SYT1: variants seen among roughly 807,000 people sequenced by gnomAD.
SYT1 encodes the protein synaptotagmin-1.
In SYT1, 8 loss-of-function variants were observed where a neutral mutation model predicts 44.8. The ratio of observed to expected loss-of-function variants is 0.18; its 90% CI spans 0.10 to 0.32. The LOEUF (loss-of-function observed/expected upper bound fraction) is 0.32. Among genes scored for constraint, SYT1 ranks in the 10% least tolerant of loss-of-function variants. SYT1 has a pLI of 1.00. For synonymous variants in SYT1, 154 were observed against 188.8 expected, an observed-to-expected ratio of 0.82 and a Z score of 1.51; for missense variants, 286 against 509.3, an observed-to-expected ratio of 0.56 and a Z score of 4.22.
chr12:78,870,132 T>C (rs1372157693), intron 1 of SYT1, among the ~76,000 whole-genome samples: 2 of 152,084 alleles, frequency 1.3e-5, no homozygotes, highest in African/African-American at 4.8e-5. Flanking sequence ...TTGGTTAAGA[T>C]ATAATTTAAG....
intron 2 of SYT1, among the ~76,000 whole-genome samples, chr12:78,991,637 A>G (rs1205624731): frequency 6.6e-6 from 1 of 152,148 alleles, no homozygotes; most frequent in African/African-American, 2.4e-5. Context: ...TAGAAATTAG[A>G]CTTTTTATCC....
intron 3 of SYT1, among the ~76,000 whole-genome samples, chr12:79,207,360 G>A (rs904010972): frequency 6.6e-6 from 1 of 152,172 alleles, no homozygotes; most frequent in African/African-American, 2.4e-5. Context: ...AAAGTTTTTT[G>A]TTTGTTTTAA....
At chr12:78,985,147 T>C (rs1481069178) in intron 2 of SYT1, among the ~76,000 whole-genome samples, 1 of 151,960 alleles carries the variant, frequency 6.6e-6, no homozygotes, top group Non-Finnish European at 1.5e-5. Context: ...CTTGATTTTT[T>C]TTAAAAGACA....
chr12:79,253,957 C>T (rs1454712275), intron 4 of SYT1, among the ~76,000 whole-genome samples: 3 of 152,108 alleles, frequency 2.0e-5, no homozygotes, highest in Non-Finnish European at 4.4e-5. Context: ...TGCAGAAAAA[C>T]AGTTTGAAGT....
chr12:79,260,004 T>C (rs879798767), intron 4 of SYT1, among the ~76,000 whole-genome samples: 18 of 152,140 alleles, frequency 1.2e-4, no homozygotes, highest in Non-Finnish European at 2.4e-4. Context: ...ACCTATAATT[T>C]AGCTGCGATT....
chr12:79,272,372 G>T (rs151160738), intron 4 of SYT1, among the ~76,000 whole-genome samples: 7 of 152,194 alleles, frequency 4.6e-5, no homozygotes, highest in Admixed American at 4.6e-4. Context: ...ATAATTGATG[G>T]GAAAAGAGAT....
chr12:79,213,779 G>A (rs1468329551), intron 3 of SYT1, among the ~76,000 whole-genome samples: 1 of 152,154 alleles, frequency 6.6e-6, no homozygotes, highest in Non-Finnish European at 1.5e-5. Flanking sequence ...ACAAAAATTA[G>A]TCAGGTGTGT....
chr12:79,289,735 T>C (rs1223185227), intron 5 of SYT1, among the ~76,000 whole-genome samples: 1 of 152,192 alleles, frequency 6.6e-6, no homozygotes, highest in Non-Finnish European at 1.5e-5. Context: ...TAGCTTGTTA[T>C]TATTTTTTAA....
intron 4 of SYT1, among the ~76,000 whole-genome samples, chr12:79,258,622 A>G (rs1044139197): frequency 1.3e-5 from 2 of 152,234 alleles, no homozygotes; most frequent in East Asian, 3.9e-4. Flanking sequence ...TTAGGAATAA[A>G]AAGTCTAAAA....
intron 1 of SYT1, among the ~76,000 whole-genome samples, chr12:78,901,914 T>A (rs1875685886): frequency 6.6e-6 from 1 of 152,078 alleles, no homozygotes; most frequent in Admixed American, 6.6e-5. Context: ...GAAACCATCA[T>A]TCTCAGCAAA....
intron 9 of SYT1, among the ~76,000 whole-genome samples, chr12:79,432,113 A>G (rs1469271257): frequency 6.6e-6 from 1 of 152,096 alleles, no homozygotes; most frequent in African/African-American, 2.4e-5. Flanking sequence ...ACCAACTAAC[A>G]TGTTCAAGGT....
At chr12:78,871,721 T>C (rs1565695135) in intron 1 of SYT1, among the ~76,000 whole-genome samples, 2 of 151,978 alleles carry the variant, frequency 1.3e-5, no homozygotes, top group Non-Finnish European at 2.9e-5. Flanking sequence ...AAGCAAAGCA[T>C]TGAAATCTGT....
At chr12:78,978,304 A>G (rs1000236698) in intron 2 of SYT1, among the ~76,000 whole-genome samples, 1 of 152,180 alleles carries the variant, frequency 6.6e-6, no homozygotes, top group Non-Finnish European at 1.5e-5. Context: ...ATGCCATGGC[A>G]TCTGCCTCTG....
intron 8 of SYT1, among the ~76,000 whole-genome samples, chr12:79,347,125 A>T (rs534904995): frequency 1.3e-5 from 2 of 150,610 alleles, no homozygotes; most frequent in Admixed American, 1.3e-4. Context: ...AGGATTGCAG[A>T]TGGATTTTCC....
At chr12:79,415,219 G>C (rs1387886379) in intron 9 of SYT1, among the ~76,000 whole-genome samples, 1 of 152,122 alleles carries the variant, frequency 6.6e-6, no homozygotes, top group Non-Finnish European at 1.5e-5. Flanking sequence ...TCCATTAAGA[G>C]ATAACCAATG....
chr12:79,059,275 T>C (rs1298822529), intron 3 of SYT1, among the ~76,000 whole-genome samples: 1 of 152,058 alleles, frequency 6.6e-6, no homozygotes, highest in East Asian at 1.9e-4. Flanking sequence ...CAATTCAAGA[T>C]GAAATTTGGG....
At chr12:78,901,185 T>G (rs1565708903) in intron 1 of SYT1, among the ~76,000 whole-genome samples, 1 of 152,112 alleles carries the variant, frequency 6.6e-6, no homozygotes. Flanking sequence ...GTCATGAAAT[T>G]TTTCATGAAG....
chr12:79,363,921 C>G (rs1032060819), intron 9 of SYT1, among the ~76,000 whole-genome samples: 1 of 152,112 alleles, frequency 6.6e-6, no homozygotes, highest in Non-Finnish European at 1.5e-5. Flanking sequence ...ATTGTGTCTA[C>G]TTATGTCTGT....
intron 2 of SYT1, among the ~76,000 whole-genome samples, chr12:79,029,183 A>G (rs1170400022): frequency 6.6e-6 from 1 of 151,132 alleles, no homozygotes; most frequent in Non-Finnish European, 1.5e-5. Context: ...CTTGCATACT[A>G]TCGGTAGTGC....
Sources: allele counts gnomAD v4.1 joint callset (sites outside exome capture counted in the v4.1 genomes callset), GRCh38; gene constraint gnomAD v4.1.1; transcripts MANE v1.5; gene names NCBI Gene and HGNC (gene_info 2026-07-23, HGNC 2026-07-21).